Variants in MCM5 observed in about 807,000 individuals in gnomAD.
MCM5 encodes the protein minichromosome maintenance complex component 5.
A neutral mutation model predicts 79.9 loss-of-function variants in MCM5; 46 were observed. The ratio of observed to expected loss-of-function variants is 0.58; its 90% CI spans 0.45 to 0.74. The LOEUF is 0.74. MCM5 is among the 30% of genes least tolerant of loss of function. The pLI is 0.00. For missense variants in MCM5, 883 were observed against 1,017.0 expected (o/e 0.87, Z 1.79); for synonymous variants, 404 against 390.5 (o/e 1.03, Z -0.41).
chr22:35,442,713 C>G, the MCM5 span, among the ~76,000 whole-genome samples: 4 of 152,236 alleles, frequency 2.6e-5, no homozygotes, highest in African/African-American at 7.2e-5. Context: ...ACATTGGGCT[C>G]ATCCTGATAA....
At chr22:35,451,592 C>T in the MCM5 span, among the ~76,000 whole-genome samples, 9 of 152,348 alleles carry the variant, frequency 5.9e-5, no homozygotes, top group East Asian at 1.5e-3. Context: ...GGCTTTGTGC[C>T]CTCATTTATC....
At chr22:35,445,544 CTG>C in the MCM5 span, among the ~76,000 whole-genome samples, 2 of 149,944 alleles carry the variant, frequency 1.3e-5, no homozygotes, top group Non-Finnish European at 3.0e-5. Context: ...GAGTTTCACT[CTG>C]TTGCTCAGGC....
intron 8 of MCM5, among the ~76,000 whole-genome samples, 184 bp from the exon 9 acceptor site, chr22:35,413,691 T>C (rs1257846612): frequency 3.9e-5 from 6 of 152,112 alleles, no homozygotes; most frequent in Non-Finnish European, 7.4e-5. Context: ...AGACCTACCA[T>C]GGTTTGGGAA....
the MCM5 span, among the ~76,000 whole-genome samples, chr22:35,439,614 C>A: frequency 6.6e-6 from 1 of 152,184 alleles, no homozygotes; most frequent in Non-Finnish European, 1.5e-5. Flanking sequence ...TATCTTCTTC[C>A]CTCCTTTCCT....
chr22:35,416,534 TG>T (rs1932547868), intron 11 of MCM5, 103 bp from the exon 12 acceptor site: 4 of 638,866 alleles, frequency 6.3e-6, no homozygotes, highest in Non-Finnish European at 1.1e-5. Context: ...TGTGTGTGTG[TG>T]TGTGTGTGTG....
the MCM5 span, among the ~76,000 whole-genome samples, chr22:35,454,185 T>G: frequency 6.6e-6 from 1 of 152,062 alleles, no homozygotes; most frequent in Admixed American, 6.6e-5. Context: ...CCCCAACGCC[T>G]TCCCCTTCAC....
At chr22:35,441,142 C>T in the MCM5 span, among the ~76,000 whole-genome samples, 2 of 151,234 alleles carry the variant, frequency 1.3e-5, no homozygotes, top group African/African-American at 4.9e-5. Context: ...CAGGAATGTG[C>T]GGGGAAAGGG....
At chr22:35,450,435 C>T in the MCM5 span, among the ~76,000 whole-genome samples, 1 of 152,158 alleles carries the variant, frequency 6.6e-6, no homozygotes, top group Non-Finnish European at 1.5e-5. Flanking sequence ...TGTCCCTTTC[C>T]CTCTCCCCTC....
At chr22:35,438,301 A>G in the MCM5 span, among the ~76,000 whole-genome samples, 1 of 81,190 alleles carries the variant, frequency 1.2e-5, no homozygotes, top group Non-Finnish European at 2.3e-5. Context: ...CCACCCACTC[A>G]CCTATTCATC....
Position 35,400,513 on chromosome 22 carries a change from G to C in MCM5, c.75G>C (p.Gln25His). 1 of 1,614,126 alleles carries C rather than the reference G, an allele frequency of 6.2e-7. No individual in the cohort carries two copies. Among genetic ancestry groups the C allele is most frequent in the Non-Finnish European group, 8.5e-7 (1 of 1,179,990 alleles). The change falls in exon 2 of 17, where the codon CAG becomes CAC. Residue 25 changes from glutamine to histidine, a missense_variant. Coordinates refer to ENST00000216122, the MANE Select transcript of MCM5 (RefSeq NM_006739.4). ...FGGDAQADEG[Q>H]ARKSQLQRRF... is the part of the protein sequence containing the mutation. ...GCGACGCCCAGGCCGACGAGGGGCAGGCCCGCAAATCGCAGCTGCAGAGGC... is the reference window on the plus strand; with the variant it reads ...GCGACGCCCAGGCCGACGAGGGGCACGCCCGCAAATCGCAGCTGCAGAGGC...
intron 9 of MCM5, among the ~76,000 whole-genome samples, chr22:35,414,510 T>C (rs931891250): frequency 3.3e-5 from 5 of 151,886 alleles, no homozygotes; most frequent in African/African-American, 1.2e-4. Context: ...TCCCAGCTGC[T>C]TGGGAGGCTG....
downstream of MCM5, among the ~76,000 whole-genome samples, chr22:35,429,507 C>T (rs1932799103): frequency 6.6e-6 from 1 of 151,460 alleles, no homozygotes; most frequent in African/African-American, 2.4e-5. Context: ...CCTGCCATTC[C>T]TCCTCACCCC....
the MCM5 span, among the ~76,000 whole-genome samples, chr22:35,447,016 G>A: frequency 5.3e-5 from 8 of 152,198 alleles, no homozygotes; most frequent in Non-Finnish European, 1.0e-4. Context: ...TCCGGGCAGC[G>A]GTCCGCGCTT....
chr22:35,430,628 G>C, the MCM5 span, among the ~76,000 whole-genome samples: 26 of 151,328 alleles, frequency 1.7e-4, no homozygotes, highest in Admixed American at 9.2e-4. Context: ...TCAGCCTCCC[G>C]AGTAGCTGGG....
At chr22:35,438,906 T>C in the MCM5 span, among the ~76,000 whole-genome samples, 87 of 141,386 alleles carry the variant, frequency 6.2e-4, no homozygotes, top group African/African-American at 2.1e-3. Context: ...TATCCATCCA[T>C]CCACTCACAT....
the MCM5 span, among the ~76,000 whole-genome samples, chr22:35,449,767 C>T: frequency 2.0e-5 from 3 of 152,172 alleles, no homozygotes; most frequent in African/African-American, 7.2e-5. Context: ...CCTACTCATC[C>T]TAAGATTTAT....
At chr22:35,444,991 G>A in the MCM5 span, among the ~76,000 whole-genome samples, 8 of 152,224 alleles carry the variant, frequency 5.3e-5, no homozygotes, top group Admixed American at 1.3e-4. Flanking sequence ...CGGCCAGAGC[G>A]ACCCTGTGAC....
In MCM5 at chr22:35,403,414, C is replaced by G. The variant is rs769566991; in HGVS notation, c.295C>G (p.Leu99Val). The G allele has an allele frequency of 6.2e-7, 1 of 1,614,222 alleles. No homozygotes were observed. Among genetic ancestry groups the G allele is most frequent in the Non-Finnish European group, 8.5e-7 (1 of 1,180,034 alleles). Residue 99 changes from leucine to valine, a missense_variant and splice_region_variant, in exon 4 of 17, where the codon CTG becomes GTG. Around this residue, in one of 3 missense-constraint regions of MCM5, gnomAD observed 455 missense variants for 517.5 expected, o/e 0.88. Transcript: ENST00000216122. ...AGCCTGTGCCCTTCCCTTTCTCCAG[C>G]TGGAGGAAGCTGCCAAGGAGGTAGC... The part of the protein sequence containing the change: ...YKQPAEHLQL[L>V]EEAAKEVADE...
chr22:35,423,851 T>G, intron 16 of MCM5: 1 of 317,450 alleles, frequency 3.2e-6, no homozygotes, highest in African/African-American at 2.1e-5. Context: ...GGCAGTTTAA[T>G]GGGTGGTATC....
Sources: gnomAD v4.1 joint callset for allele counts (sites outside exome capture counted in the v4.1 genomes callset) on GRCh38, gnomAD v4.1.1 for gene constraint, gnomAD v4.1.1 regional missense constraint, MANE v1.5 for transcripts, NCBI Gene and HGNC (gene_info 2026-07-23, HGNC 2026-07-21) for gene names.